The following HEATR3 variants were observed in gnomAD, a reference collection of about 807,000 sequenced individuals.
HEATR3 encodes the protein HEAT repeat containing 3, also known as HEAT repeat-containing protein 3.
HEATR3 carries 56 observed loss-of-function variants against 72.8 expected under a neutral mutation model. The observed-to-expected ratio is 0.77, with a 90% CI of 0.62 to 0.96. The LOEUF is 0.96. Among genes scored for constraint, HEATR3 ranks in the 40% least tolerant of loss-of-function variants. The pLI, the probability that HEATR3 is intolerant of heterozygous loss-of-function variation, is 0.00. For missense variants in HEATR3, 747 were observed against 831.4 expected (o/e 0.90, Z 1.25); for synonymous variants, 331 against 318.1 (o/e 1.04, Z -0.43).
chr16:50,068,354 G>A (rs1294619047), intron 2 of HEATR3, among the ~76,000 whole-genome samples: 1 of 152,038 alleles, frequency 6.6e-6, no homozygotes, highest in Admixed American at 6.6e-5. Context: ...TTCCTAGGCT[G>A]GTCTTGAATT....
In HEATR3 at chr16:50,084,475, A is replaced by T. The variant is rs1373212530; in HGVS notation, c.1291-94A>T. On this transcript the variant is annotated intron_variant, in intron 9 of 14. Transcript: ENST00000299192. ...AGGTCATTCTATATGAAGCCTAACC[A>T]TTTCACTTAGGAGTAATATGTTGGA... 3.5e-6 allele frequency: 4 copies of T among 1,142,874 alleles called. No homozygotes were observed. The African/African-American group carries it at 6.2e-5, about 18-fold the overall frequency. The allele number at this position is 1,142,874 out of a possible 1,614,324, so 70.8% of individuals were successfully genotyped here.
chr16:50,083,850 T>C, intron 7 of HEATR3, 87 bp from the exon 8 acceptor site: 2 of 1,228,152 alleles, frequency 1.6e-6, no homozygotes, highest in Non-Finnish European at 2.3e-6. Context: ...GCAAAAATCT[T>C]CTAGTAGGCT....
intron 9 of HEATR3, 68 bp downstream of exon 9, chr16:50,084,359 G>A (rs892307414): frequency 3.3e-6 from 5 of 1,536,146 alleles, no homozygotes; most frequent in Non-Finnish European, 4.4e-6. Flanking sequence ...TTCATTTTGT[G>A]TACAAAAGAA....
At chr16:50,096,048 G>A (rs72796167) in intron 12 of HEATR3, among the ~76,000 whole-genome samples, 18,127 of 152,052 alleles carry the variant, frequency 0.12, 1,120 homozygotes, top group African/African-American at 0.15. Context: ...AACATGGCCA[G>A]GCACGGTGGC....
chr16:50,072,563 A>G, intron 4 of HEATR3, 42 bp from the exon 5 acceptor site: 2 of 1,270,514 alleles, frequency 1.6e-6, no homozygotes, highest in Non-Finnish European at 1.1e-6. Flanking sequence ...TCCTACTGTT[A>G]AAATGTGAAT....
intron 5 of HEATR3, chr16:50,073,341 G>A (rs2036653972): frequency 6.6e-6 from 1 of 152,290 alleles, no homozygotes; most frequent in Non-Finnish European, 1.5e-5. Flanking sequence ...CAGAATTCTG[G>A]GTGGGAGTGG....
chr16:50,102,070 A>G (rs1038583672), intron 13 of HEATR3, among the ~76,000 whole-genome samples, 189 bp from the exon 14 acceptor site: 5 of 152,212 alleles, frequency 3.3e-5, no homozygotes, highest in African/African-American at 1.2e-4. Context: ...AATATAAACT[A>G]TAATATGTTT....
rs1305947322 is a variant in HEATR3 at position 50,106,179 on chromosome 16, A to G, written c.*1118A>G. On this transcript the variant is annotated 3_prime_UTR_variant, in exon 15 of 15. Coordinates refer to ENST00000299192, the MANE Select transcript of HEATR3 (RefSeq NM_182922.4). ...AAACTAGTTTTTTGATATGAAGTAT[A>G]TCAATTATGTTTGCCTTTTGTGAAG... The G allele has an allele frequency of 1.3e-5, 2 of 152,172 alleles. No homozygotes were observed. The highest frequency in any genetic ancestry group is 4.8e-5 in the African/African-American group (2 of 41,456). The allele number at this position is 152,172 out of a possible 1,614,324, so 9.4% of individuals were successfully genotyped here. A position where few individuals can be genotyped will look rare whatever the true frequency, so the allele number is the denominator to read the frequency against.
intron 4 of HEATR3, among the ~76,000 whole-genome samples, 164 bp from the exon 5 acceptor site, chr16:50,072,441 G>A (rs1244327917): frequency 6.6e-6 from 1 of 152,240 alleles, no homozygotes; most frequent in Non-Finnish European, 1.5e-5. Context: ...CTCATGTACA[G>A]TGAATGTGAA....
In HEATR3 at chr16:50,102,426, T is replaced by C. The variant is rs751820607; in HGVS notation, c.1911T>C (p.Phe637=). ...CTCTGAAAGAATTCCAGCCGGTCTT[T>C]AAAATGAAGGTTTGTAGCCATTTAA... The part of the protein sequence containing the change: ...LSALKEFQPV[F]KMKIRKEGRG... Residue 637 remains phenylalanine, a synonymous_variant, in exon 14 of 15, where the codon TTT becomes TTC. Transcript: ENST00000299192. 6.2e-7 allele frequency: 1 copy of C among 1,613,584 alleles called. No homozygotes were observed. The highest frequency in any genetic ancestry group is 1.7e-5 in the Admixed American group (1 of 59,838).
Position 50,101,917 on chromosome 16 carries a change from TTG to T in HEATR3, c.1744-340_1744-339del, listed in dbSNP as rs947347056. On this transcript the variant is annotated intron_variant, in intron 13 of 14. Coordinates refer to ENST00000299192, the MANE Select transcript of HEATR3 (RefSeq NM_182922.4). ...TCTTATGCTTTTAAAAGCAGATTTT[TTG>T]TTGTTGTCGTTGTTGTTACAGATAA... Among the ~76,000 whole-genome samples the T allele has an allele frequency of 5.0e-3, 12 of 2,412 alleles. 1 individual carries two copies. The East Asian group carries it at 0.16, about 32-fold the overall frequency. 1.6% of individuals were successfully genotyped at this position (2,412 alleles called of 152,430 possible). A position where few individuals can be genotyped will look rare whatever the true frequency, so the allele number is the denominator to read the frequency against.
rs564630766 is a variant in HEATR3, at chr16:50,072,467, T to C, written c.513-138T>C. On this transcript the variant is annotated intron_variant, in intron 4 of 14. Coordinates refer to ENST00000299192, the MANE Select transcript of HEATR3 (RefSeq NM_182922.4). ...TGAATGTGAATGGGTGTTAGTTCCT[T>C]CATCGATAAAAATGGTGGGTGTTTG... 8.2e-6 allele frequency: 5 copies of C among 612,662 alleles called. No homozygotes were observed. In the South Asian group the frequency reaches 1.0e-4, roughly 12 times the overall value. 38.0% of individuals were successfully genotyped at this position (612,662 alleles called of 1,614,324 possible).
At chr16:50,075,163 A>G (rs1424236965) in intron 5 of HEATR3, among the ~76,000 whole-genome samples, 3 of 152,048 alleles carry the variant, frequency 2.0e-5, no homozygotes, top group African/African-American at 7.2e-5. Context: ...CTAAAAATAT[A>G]GAAATTAGCC....
rs146873059 is a variant in HEATR3, at chr16:50,103,815, C to T, written c.1921-1124C>T. ...CCCAGGTGGGAGGATCACTCGAGTCCAGGATTTCAAGACCAGCCTGGGAAA... is the reference window on the plus strand; with the variant it reads ...CCCAGGTGGGAGGATCACTCGAGTCTAGGATTTCAAGACCAGCCTGGGAAA... On this transcript the variant is annotated intron_variant, in intron 14 of 14. Transcript: ENST00000299192. 1.7e-3 allele frequency among the ~76,000 whole-genome samples: 253 copies of T among 152,228 alleles called. 6 individuals are homozygous for T. Among genetic ancestry groups the T allele is most frequent in the Middle Eastern group, 0.014 (4 of 294 alleles).
At chr16:50,099,386 C>T (rs1384466458) in intron 12 of HEATR3, among the ~76,000 whole-genome samples, 1 of 152,162 alleles carries the variant, frequency 6.6e-6, no homozygotes, top group African/African-American at 2.4e-5. Flanking sequence ...GGGAGGATTG[C>T]TTGAGCCCAA....
intron 11 of HEATR3, among the ~76,000 whole-genome samples, chr16:50,092,450 T>TTTTTTTC (rs2037138143): frequency 1.4e-5 from 2 of 147,730 alleles, no homozygotes; most frequent in Non-Finnish European, 3.0e-5. Context: ...TTTTTTTTTT[T>TTTTTTTC]TTCCTGAGAC....
intron 12 of HEATR3, among the ~76,000 whole-genome samples, chr16:50,099,481 C>T (rs928123773): frequency 1.1e-4 from 16 of 152,042 alleles, no homozygotes; most frequent in African/African-American, 3.9e-4. Context: ...GGGGCTCACA[C>T]GAGTGATAAG....
intron 5 of HEATR3, chr16:50,073,839 G>T (rs1173008707): frequency 6.6e-6 from 1 of 152,126 alleles, no homozygotes; most frequent in African/African-American, 2.4e-5. Context: ...TTGTATAATA[G>T]TGTTTTCCTT....
At chr16:50,092,585 C>T (rs1346313533) in intron 11 of HEATR3, among the ~76,000 whole-genome samples, 6 of 151,432 alleles carry the variant, frequency 4.0e-5, no homozygotes, top group South Asian at 2.1e-4. Flanking sequence ...TACAGGCGCC[C>T]GCCACCACGC....
Sources: allele counts gnomAD v4.1 joint callset (sites outside exome capture counted in the v4.1 genomes callset), GRCh38; gene constraint gnomAD v4.1.1; transcripts MANE v1.5; gene names NCBI Gene and HGNC (gene_info 2026-07-23, HGNC 2026-07-21).